The following PEAK1 variants were observed in gnomAD, a reference collection of about 807,000 sequenced individuals.
PEAK1 encodes the protein pseudopodium enriched atypical kinase 1, also known as inactive tyrosine-protein kinase PEAK1.
In PEAK1, 54 loss-of-function variants were observed where a neutral mutation model predicts 124.7. That is an observed-to-expected ratio of 0.43 (90% confidence interval 0.35 to 0.54). The LOEUF (loss-of-function observed/expected upper bound fraction) is 0.54. PEAK1 is among the 20% of genes least tolerant of loss of function. The probability of loss-of-function intolerance (pLI) is 0.01; values close to 1 mark genes in which losing one functional copy is unlikely to be tolerated. For missense variants in PEAK1, 2,046 were observed against 2,134.5 expected, an observed-to-expected ratio of 0.96 and a Z score of 0.82; for synonymous variants, 719 against 760.0, an observed-to-expected ratio of 0.95 and a Z score of 0.89.
chr15:77,301,681 C>T (rs2063794846), intron 2 of PEAK1, among the ~76,000 whole-genome samples: 1 of 152,180 alleles, frequency 6.6e-6, no homozygotes, highest in African/African-American at 2.4e-5. Flanking sequence ...GATCATCTGG[C>T]TTGAGGTACA....
At chr15:77,403,782 C>T (rs1412562685) in intron 1 of PEAK1, 1 of 977,406 alleles carries the variant, frequency 1.0e-6, no homozygotes, top group African/African-American at 1.8e-5. Context: ...TTCACATGAC[C>T]ACAAACTCAA....
At chr15:77,336,805 CATGAT>C (rs1250319216) in intron 2 of PEAK1, among the ~76,000 whole-genome samples, 1 of 150,752 alleles carries the variant, frequency 6.6e-6, no homozygotes, top group Non-Finnish European at 1.5e-5. Context: ...AGAGTGTGTA[CATGAT>C]ATAATACTGT....
At chr15:77,281,850 G>A (rs535566050) in intron 5 of PEAK1, among the ~76,000 whole-genome samples, 31 of 152,248 alleles carry the variant, frequency 2.0e-4, no homozygotes, top group African/African-American at 7.0e-4. Flanking sequence ...GCAACTCAAA[G>A]TGGACTGATC....
chr15:77,114,594 C>A lies in PEAK1; in HGVS notation c.4803G>T (p.Glu1601Asp). 6.2e-7 allele frequency: 1 copy of A among 1,614,072 alleles called. No homozygotes were observed. The highest frequency in any genetic ancestry group is 8.5e-7 in the Non-Finnish European group (1 of 1,179,998). ...DEFQTGILIY[E>D]MLHLPNPFDE... ...CAAAGGGGTTGGGTAGGTGCAGCAT[C>A]TCATAGATGAGGATGCCTGTCTGGA... The change falls in exon 10 of 10, where the codon GAG becomes GAT. Residue 1601 changes from glutamate to aspartate, a missense_variant. Transcript: ENST00000682557.
At chr15:77,260,404 C>T (rs116927371) in intron 5 of PEAK1, among the ~76,000 whole-genome samples, 88 of 151,810 alleles carry the variant, frequency 5.8e-4, no homozygotes, top group Non-Finnish European at 8.5e-4. Context: ...GGAAATGTGG[C>T]CCATAACCAG....
At chr15:77,172,710 A>C (rs1425726600) in intron 7 of PEAK1, among the ~76,000 whole-genome samples, 1 of 152,182 alleles carries the variant, frequency 6.6e-6, no homozygotes, top group Admixed American at 6.5e-5. Flanking sequence ...ATTACGCAGA[A>C]TTTTTAAGAA....
At chr15:77,250,817 C>T (rs1022329254) in intron 6 of PEAK1, among the ~76,000 whole-genome samples, 4 of 152,142 alleles carry the variant, frequency 2.6e-5, no homozygotes, top group African/African-American at 9.7e-5. Flanking sequence ...GATCCGCCTG[C>T]CTTGGCCTCC....
chr15:77,316,445 T>C (rs1279409832), intron 2 of PEAK1, among the ~76,000 whole-genome samples: 1 of 152,222 alleles, frequency 6.6e-6, no homozygotes, highest in Non-Finnish European at 1.5e-5. Context: ...CACAAAGTTA[T>C]TTTCTCTGGA....
chr15:77,252,673 T>A, intron 5 of PEAK1, 147 bp from the exon 6 acceptor site: 2 of 427,340 alleles, frequency 4.7e-6, no homozygotes, highest in South Asian at 2.0e-4. Flanking sequence ...TCTACTTAGG[T>A]GGAGACACGC....
At chr15:77,101,765 C>T (rs574560738) in exon 7 of PEAK1, 36 of 152,300 alleles carry the variant, frequency 2.4e-4, no homozygotes, top group African/African-American at 8.7e-4. Context: ...GACTCTGTCA[C>T]TTTGACCTTG....
intron 5 of PEAK1, among the ~76,000 whole-genome samples, chr15:77,279,740 AGTT>A (rs1234589343): frequency 6.6e-6 from 1 of 152,162 alleles, no homozygotes; most frequent in East Asian, 1.9e-4. Context: ...GGAGTTTGAA[AGTT>A]GTTGTATGCT....
At chr15:77,279,100 TGTGC>T (rs201119946) in intron 5 of PEAK1, among the ~76,000 whole-genome samples, 30,234 of 137,758 alleles carry the variant, frequency 0.22, 3,551 homozygotes, top group Middle Eastern at 0.29. Flanking sequence ...GGTGCTCGTG[TGTGC>T]GTGTGTGTGT....
intron 2 of PEAK1, among the ~76,000 whole-genome samples, chr15:77,356,928 T>C (rs760360520): frequency 3.3e-4 from 50 of 152,246 alleles, no homozygotes; most frequent in Non-Finnish European, 5.3e-4. Context: ...ATGAAGTAGA[T>C]CTACATATAT....
chr15:77,168,132 T>G (rs1208464449), intron 7 of PEAK1, among the ~76,000 whole-genome samples: 1 of 152,092 alleles, frequency 6.6e-6, no homozygotes, highest in Non-Finnish European at 1.5e-5. Flanking sequence ...TTGAAGCTTC[T>G]AACTGAATTT....
intron 2 of PEAK1, among the ~76,000 whole-genome samples, chr15:77,309,782 G>C (rs1260403705): frequency 6.6e-6 from 1 of 152,076 alleles, no homozygotes; most frequent in Non-Finnish European, 1.5e-5. Context: ...CTATTAACTT[G>C]TTTTATATAC....
chr15:77,314,637 A>G (rs1019969739), intron 2 of PEAK1, among the ~76,000 whole-genome samples: 10 of 152,010 alleles, frequency 6.6e-5, no homozygotes, highest in Non-Finnish European at 1.5e-4. Context: ...CAAAGTGCTG[A>G]GATTACACAT....
intron 2 of PEAK1, chr15:77,349,383 T>C (rs1251419056): frequency 1.0e-6 from 1 of 983,320 alleles, no homozygotes; most frequent in African/African-American, 1.7e-5. Flanking sequence ...AAGACATAAA[T>C]GTTTCCATGT....
At chr15:77,260,671 G>A (rs554186761) in intron 5 of PEAK1, among the ~76,000 whole-genome samples, 1 of 152,316 alleles carries the variant, frequency 6.6e-6, no homozygotes, top group Admixed American at 6.5e-5. Context: ...AAAAGGTGGA[G>A]CCAAGATGGC....
chr15:77,167,374 G>C (rs936514962), intron 7 of PEAK1, among the ~76,000 whole-genome samples: 1 of 152,086 alleles, frequency 6.6e-6, no homozygotes, highest in African/African-American at 2.4e-5. Flanking sequence ...CCCCATTCTG[G>C]TACATATAAA....
Sources: gnomAD v4.1 joint callset for allele counts (sites outside exome capture counted in the v4.1 genomes callset) on GRCh38, gnomAD v4.1.1 for gene constraint, MANE v1.5 for transcripts, NCBI Gene and HGNC (gene_info 2026-07-23, HGNC 2026-07-21) for gene names.